PRKAG2: variants seen among roughly 807,000 people sequenced by gnomAD.
PRKAG2 encodes the protein protein kinase AMP-activated non-catalytic subunit gamma 2.
Under a neutral mutation model 69.6 loss-of-function variants are expected in PRKAG2, and 26 were observed. The ratio of observed to expected loss-of-function variants is 0.37; its 90% CI spans 0.27 to 0.52. PRKAG2 has a LOEUF of 0.52. PRKAG2 is among the 20% of genes least tolerant of loss of function. PRKAG2 has a pLI of 0.90. For missense variants in PRKAG2, 557 were observed against 740.0 expected, an observed-to-expected ratio of 0.75 and a Z score of 2.87; for synonymous variants, 293 against 285.0, an observed-to-expected ratio of 1.03 and a Z score of -0.28.
intron 3 of PRKAG2, among the ~76,000 whole-genome samples, chr7:151,745,335 GTCATGTT>G (rs1298471548): frequency 6.6e-6 from 1 of 152,178 alleles, no homozygotes; most frequent in Non-Finnish European, 1.5e-5. Flanking sequence ...AAAATACTGT[GTCATGTT>G]TCATGGAAAG....
chr7:151,750,760 C>T (rs1328142660), intron 3 of PRKAG2, among the ~76,000 whole-genome samples: 1 of 151,836 alleles, frequency 6.6e-6, no homozygotes, highest in African/African-American at 2.4e-5. Flanking sequence ...ATGTTCCTGT[C>T]GTCCCAGCTA....
At chr7:151,695,985 A>G (rs1028282983) in intron 3 of PRKAG2, among the ~76,000 whole-genome samples, 1 of 152,166 alleles carries the variant, frequency 6.6e-6, no homozygotes, top group Non-Finnish European at 1.5e-5. Flanking sequence ...ACACGACACC[A>G]GCTCTTCAGG....
rs1837313473 is a variant in PRKAG2 at position 151,699,540 on chromosome 7, C to T, written c.467-23903G>A. ...TTTATGATTAAGAAATGGCAAAGGG[C>T]CTTTCAGACTACTTTTGCTTTGAAA... On this transcript the variant is annotated intron_variant, in intron 3 of 15. Coordinates refer to ENST00000287878, the MANE Select transcript of PRKAG2 (RefSeq NM_016203.4). This position sits in a 1 kb window ranked among gnomAD's most constrained non-coding sequence, Gnocchi z 4.5. Among the ~76,000 whole-genome samples, 2 of 152,158 alleles carry T rather than the reference C, an allele frequency of 1.3e-5. No individual in the cohort carries two copies. The highest frequency in any genetic ancestry group is 2.9e-5 in the Non-Finnish European group (2 of 68,032).
chr7:151,630,236 A>G (rs1301935910), intron 5 of PRKAG2, among the ~76,000 whole-genome samples: 2 of 152,226 alleles, frequency 1.3e-5, no homozygotes, highest in African/African-American at 4.8e-5. Context: ...GAAAAGAAAA[A>G]AAAGAGTGTA....
chr7:151,757,438 C>A (rs2109782), intron 3 of PRKAG2, among the ~76,000 whole-genome samples: 33,339 of 152,168 alleles, frequency 0.22, 4,251 homozygotes, highest in East Asian at 0.58. Context: ...CCAGATGCAG[C>A]AGGATGAGAC....
chr7:151,586,476 T>C (rs528727141), intron 6 of PRKAG2, among the ~76,000 whole-genome samples: 6 of 152,234 alleles, frequency 3.9e-5, no homozygotes, highest in African/African-American at 4.8e-5. Flanking sequence ...AGACCTCTTC[T>C]CCGCAACTCC....
chr7:151,635,608 G>C (rs1263620802), intron 4 of PRKAG2, among the ~76,000 whole-genome samples: 1 of 152,124 alleles, frequency 6.6e-6, no homozygotes, highest in Non-Finnish European at 1.5e-5. Flanking sequence ...TATACTGTAT[G>C]ATTCCATTTA....
At chr7:151,718,608 G>C (rs1796548423) in intron 3 of PRKAG2, among the ~76,000 whole-genome samples, 1 of 117,008 alleles carries the variant, frequency 8.5e-6, no homozygotes, top group Admixed American at 8.6e-5. Context: ...AAGTCCCCAG[G>C]ATGCAAAAAA....
In PRKAG2 at chr7:151,632,201, C is replaced by G; in HGVS notation, c.685-63G>C. 5 of 1,174,938 alleles carry G rather than the reference C, an allele frequency of 4.3e-6. No homozygotes were observed. Among genetic ancestry groups the G allele is most frequent in the African/African-American group, 1.6e-5 (1 of 61,906 alleles). 72.8% of individuals were successfully genotyped at this position (1,174,938 alleles called of 1,614,324 possible). A position where few individuals can be genotyped will look rare whatever the true frequency, so the allele number is the denominator to read the frequency against. ...GCGACGCTCGTCCCCGGCCGGCGGG[C>G]TCGCGGCCGGCCGAGCGCTGGGGCC... is the stretch of plus-strand genomic sequence containing the variant. On this transcript the variant is annotated intron_variant, in intron 4 of 15. Transcript: ENST00000287878. This position sits in a 1 kb window ranked among gnomAD's most constrained non-coding sequence, Gnocchi z 4.2.
At chr7:151,623,551 T>G (rs1209147347) in intron 5 of PRKAG2, among the ~76,000 whole-genome samples, 1 of 152,114 alleles carries the variant, frequency 6.6e-6, no homozygotes, top group Non-Finnish European at 1.5e-5. Context: ...GGCCGATTCC[T>G]AACAGTAGTG....
At chr7:151,559,486 A>C in intron 15 of PRKAG2, 1 of 983,324 alleles carries the variant, frequency 1.0e-6, no homozygotes, top group Non-Finnish European at 1.2e-6. Flanking sequence ...TGAACATTTC[A>C]TTTTCTAGTA....
chr7:151,804,269 CT>C (rs776062859), intron 1 of PRKAG2, among the ~76,000 whole-genome samples: 12 of 152,210 alleles, frequency 7.9e-5, no homozygotes, highest in Non-Finnish European at 1.6e-4. Flanking sequence ...TGCTTTCAAT[CT>C]TTGGCAATTA....
chr7:151,795,708 A>ATTTTCCC (rs2077468896), intron 1 of PRKAG2, among the ~76,000 whole-genome samples: 1 of 151,926 alleles, frequency 6.6e-6, no homozygotes, highest in African/African-American at 2.4e-5. Context: ...CTGAAGAGGG[A>ATTTTCCC]AAACAGAGGG....
chr7:151,846,483 A>C (rs763146741), intron 1 of PRKAG2, among the ~76,000 whole-genome samples: 12 of 152,200 alleles, frequency 7.9e-5, no homozygotes, highest in Non-Finnish European at 1.5e-4. Flanking sequence ...AAAAATAAAA[A>C]AATAAAAATA....
intron 4 of PRKAG2, among the ~76,000 whole-genome samples, chr7:151,670,223 C>T (rs1263995980): frequency 6.6e-6 from 1 of 152,226 alleles, no homozygotes; most frequent in Non-Finnish European, 1.5e-5. Flanking sequence ...TCCTCTGCTC[C>T]ATACCCCCAG....
At chr7:151,759,169 CTG>C (rs2075275180) in intron 3 of PRKAG2, among the ~76,000 whole-genome samples, 1 of 152,184 alleles carries the variant, frequency 6.6e-6, no homozygotes, top group African/African-American at 2.4e-5. Flanking sequence ...GACCAGCTCC[CTG>C]CAGGCTCAGA....
At chr7:151,766,002 T>C (rs954399008) in intron 3 of PRKAG2, among the ~76,000 whole-genome samples, 1 of 152,176 alleles carries the variant, frequency 6.6e-6, no homozygotes, top group East Asian at 1.9e-4. Flanking sequence ...TGGTTTTGAG[T>C]GGCTATTGTG....
At chr7:151,590,198 G>C (rs553189512) in intron 6 of PRKAG2, among the ~76,000 whole-genome samples, 6 of 152,382 alleles carry the variant, frequency 3.9e-5, no homozygotes, top group African/African-American at 1.4e-4. Context: ...AAAGGACTCA[G>C]TATGACAGCA....
intron 1 of PRKAG2, among the ~76,000 whole-genome samples, chr7:151,844,852 T>C (rs1441072161): frequency 6.6e-6 from 1 of 152,170 alleles, no homozygotes; most frequent in Non-Finnish European, 1.5e-5. Flanking sequence ...TATCATTCCA[T>C]GCAATTGTTG....
Sources: allele counts gnomAD v4.1 joint callset (sites outside exome capture counted in the v4.1 genomes callset), GRCh38; gene constraint gnomAD v4.1.1; non-coding constraint Gnocchi (gnomAD v3.1); transcripts MANE v1.5; gene names NCBI Gene and HGNC (gene_info 2026-07-23, HGNC 2026-07-21).